RAB6A: variants seen among roughly 807,000 people sequenced by gnomAD.
The protein encoded by RAB6A is RAB6A, member RAS oncogene family.
A neutral mutation model predicts 32.3 loss-of-function variants in RAB6A; 8 were observed. The ratio of observed to expected loss-of-function variants is 0.25; its 90% CI spans 0.15 to 0.45. The LOEUF (loss-of-function observed/expected upper bound fraction) is 0.45, where lower values mean the gene tolerates loss of function less well. Among genes scored for constraint, RAB6A ranks in the 20% least tolerant of loss-of-function variants. The pLI is 1.00. For synonymous variants in RAB6A, 73 were observed against 82.1 expected (o/e 0.89, Z 0.60); for missense variants, 104 against 249.4 (o/e 0.42, Z 3.93).
At chr11:73,722,058 T>TATATATA (rs1270436615) in intron 2 of RAB6A, among the ~76,000 whole-genome samples, 6 of 147,752 alleles carry the variant, frequency 4.1e-5, no homozygotes, top group Non-Finnish European at 9.2e-5. Context: ...TCTGCCATGA[T>TATATATA]TGTAAGTTTC....
chr11:73,713,525 G>A (rs1358990069), intron 5 of RAB6A, among the ~76,000 whole-genome samples: 2 of 149,736 alleles, frequency 1.3e-5, no homozygotes, highest in African/African-American at 2.5e-5. Flanking sequence ...CCAAGATTGC[G>A]CCACTGCACT....
chr11:73,718,810 T>C (rs1286040653), intron 3 of RAB6A, 92 bp from the exon 4 acceptor site: 1 of 1,613,750 alleles, frequency 6.2e-7, no homozygotes, highest in Admixed American at 1.7e-5. Flanking sequence ...CTACTACAGC[T>C]GCAGCAGAAT....
chr11:73,746,739 AGACGTAGCAAAACTCTGCCTC>A (rs1171591660), intron 1 of RAB6A, among the ~76,000 whole-genome samples: 3 of 151,656 alleles, frequency 2.0e-5, no homozygotes, highest in Non-Finnish European at 4.4e-5. Context: ...CCAACCAGGG[AGACGTAGCAAAACTCTGCCTC>A]GAAATAAATT....
intron 2 of RAB6A, chr11:73,722,226 T>C (rs1042346231): frequency 6.7e-6 from 1 of 148,332 alleles, no homozygotes; most frequent in African/African-American, 2.5e-5. Flanking sequence ...AGTCTTATGC[T>C]GTTTGTTAAA....
At chr11:73,684,987 T>G (rs556715952) in intron 6 of RAB6A, among the ~76,000 whole-genome samples, 1 of 152,348 alleles carries the variant, frequency 6.6e-6, no homozygotes, top group South Asian at 2.1e-4. Flanking sequence ...TCCATTGTCT[T>G]AATATGGCTA....
Position 73,705,767 on chromosome 11 carries a change from TGAGAGAGAGA to T in RAB6A, c.495+1643_495+1652del, listed in dbSNP as rs3046616. Among the ~76,000 whole-genome samples, 104 of 134,840 alleles carry T rather than the reference TGAGAGAGAGA, an allele frequency of 7.7e-4. No individual in the cohort carries two copies. In the South Asian group the frequency reaches 0.011, roughly 14 times the overall value. 88.5% of individuals were successfully genotyped at this position (134,840 alleles called of 152,430 possible). ...AGGTTCTGGGAATATATAATTCCGA[TGAGAGAGAGA>T]GAGAGAGAGAGAGAGAGAGAGAGAG... On this transcript the variant is annotated intron_variant, in intron 6 of 7. Coordinates refer to ENST00000336083, the MANE Select transcript of RAB6A (RefSeq NM_198896.2).
At chr11:73,697,046 CTCTTT>C (rs1945665913) in intron 6 of RAB6A, among the ~76,000 whole-genome samples, 2 of 152,152 alleles carry the variant, frequency 1.3e-5, no homozygotes, top group Non-Finnish European at 2.9e-5. Flanking sequence ...TCTCTGTGAG[CTCTTT>C]TCTTATCATA....
intron 1 of RAB6A, among the ~76,000 whole-genome samples, chr11:73,743,583 C>G (rs1424453686): frequency 2.6e-5 from 4 of 151,914 alleles, no homozygotes; most frequent in Non-Finnish European, 2.9e-5. Flanking sequence ...GACAGGATCA[C>G]TGCAGCCTGG....
At chr11:73,683,575 T>G (rs1230928183) in intron 6 of RAB6A, among the ~76,000 whole-genome samples, 1 of 151,184 alleles carries the variant, frequency 6.6e-6, no homozygotes, top group Non-Finnish European at 1.5e-5. Flanking sequence ...TTTTTTTAGA[T>G]GCAGTCTCAC....
At chr11:73,756,528 A>G (rs78915616) in intron 1 of RAB6A, among the ~76,000 whole-genome samples, 1 of 152,348 alleles carries the variant, frequency 6.6e-6, no homozygotes, top group Non-Finnish European at 1.5e-5. Context: ...CTCCTAATTT[A>G]TAATTGGTAA....
chr11:73,699,685 C>A (rs1048556513), intron 6 of RAB6A, among the ~76,000 whole-genome samples: 17 of 152,144 alleles, frequency 1.1e-4, no homozygotes, highest in African/African-American at 3.9e-4. Context: ...TTCTTCCCAA[C>A]AATATCATAA....
chr11:73,709,126 A>C (rs1375223631), intron 5 of RAB6A, among the ~76,000 whole-genome samples: 2 of 152,184 alleles, frequency 1.3e-5, no homozygotes, highest in African/African-American at 4.8e-5. Flanking sequence ...AAAAACAAGG[A>C]CATTCTCTTA....
At chr11:73,740,016 G>A (rs1443656164) in intron 1 of RAB6A, among the ~76,000 whole-genome samples, 1 of 149,894 alleles carries the variant, frequency 6.7e-6, no homozygotes, top group Non-Finnish European at 1.5e-5. Context: ...CCGAGACTGC[G>A]CCACTGCAGT....
At chr11:73,724,699 C>G (rs750866082) in intron 2 of RAB6A, among the ~76,000 whole-genome samples, 106 of 152,216 alleles carry the variant, frequency 7.0e-4, no homozygotes, top group Admixed American at 1.4e-3. Context: ...TGTTAGCCAA[C>G]ATGGTGTCGA....
intron 6 of RAB6A, among the ~76,000 whole-genome samples, chr11:73,692,507 A>AC (rs1945585921): frequency 1.3e-5 from 2 of 149,610 alleles, no homozygotes; most frequent in Non-Finnish European, 1.5e-5. Flanking sequence ...TGTCTCAAAA[A>AC]AAAAAAAAAA....
intron 1 of RAB6A, among the ~76,000 whole-genome samples, chr11:73,739,301 AT>A (rs1565374208): frequency 2.1e-5 from 2 of 95,452 alleles, no homozygotes; most frequent in Non-Finnish European, 4.3e-5. Flanking sequence ...ATATATATAT[AT>A]ATAAATACTG....
intron 1 of RAB6A, among the ~76,000 whole-genome samples, chr11:73,746,470 T>TG (rs1946590136): frequency 6.6e-6 from 1 of 151,938 alleles, no homozygotes; most frequent in Non-Finnish European, 1.5e-5. Context: ...ATTGTGCCAC[T>TG]ACACTCCAGC....
Position 73,685,724 on chromosome 11 carries a change from C to CAAA in RAB6A, c.496-6007_496-6005dup, listed in dbSNP as rs371682393. Among the ~76,000 whole-genome samples the CAAA allele has an allele frequency of 3.5e-3, 477 of 134,578 alleles. 3 individuals are homozygous for CAAA. Among genetic ancestry groups the CAAA allele is most frequent in the African/African-American group, 0.012 (455 of 36,444 alleles). The allele number at this position is 134,578 out of a possible 152,430, so 88.3% of individuals were successfully genotyped here. A position where few individuals can be genotyped will look rare whatever the true frequency, so the allele number is the denominator to read the frequency against. Reference sequence around the variant, plus strand: ...TGAAACCCCATCTCTATTAAAAATACAAAAAAAAAAAATAGCCAGGTGTGG... The same window carrying CAAA: ...TGAAACCCCATCTCTATTAAAAATACAAAAAAAAAAAAAAATAGCCAGGTGTGG... On this transcript the variant is annotated intron_variant, in intron 6 of 7. Coordinates refer to ENST00000336083, the MANE Select transcript of RAB6A (RefSeq NM_198896.2).
chr11:73,717,031 T>C (rs1946063109), intron 4 of RAB6A, among the ~76,000 whole-genome samples: 1 of 152,230 alleles, frequency 6.6e-6, no homozygotes, highest in African/African-American at 2.4e-5. Context: ...CAGGTTTCAC[T>C]TGCTGTGGTT....
Sources: gnomAD v4.1 joint callset for allele counts (sites outside exome capture counted in the v4.1 genomes callset) on GRCh38, gnomAD v4.1.1 for gene constraint, MANE v1.5 for transcripts, NCBI Gene and HGNC (gene_info 2026-07-23, HGNC 2026-07-21) for gene names.